CFAP92: variants seen among roughly 807,000 people sequenced by gnomAD.
CFAP92 encodes cilia and flagella associated protein 92 (putative).
CFAP92 carries 86 observed loss-of-function variants against 106.3 expected under a neutral mutation model. The ratio of observed to expected loss-of-function variants is 0.81; its 90% confidence interval spans 0.68 to 0.97. The LOEUF is 0.97. Ranked by LOEUF, CFAP92 falls within the 50% of genes least tolerant of loss-of-function variation. The pLI is 0.00. For missense variants in CFAP92, 1,204 were observed against 1,283.8 expected (o/e 0.94, Z 0.95); for synonymous variants, 477 against 506.4 (o/e 0.94, Z 0.78).
At chr3:128,938,261 C>T (rs1410924435) in intron 10 of CFAP92, among the ~76,000 whole-genome samples, 1 of 151,714 alleles carries the variant, frequency 6.6e-6, no homozygotes, top group Non-Finnish European at 1.5e-5. Flanking sequence ...AAAGAAAAAG[C>T]TCAAAAAAAC....
chr3:128,956,215 T>TAAAAAAAAAAAAAAAA (rs545191144), intron 9 of CFAP92, among the ~76,000 whole-genome samples: 1 of 68,756 alleles, frequency 1.5e-5, no homozygotes, highest in Non-Finnish European at 3.0e-5. Context: ...AATAAAAAAA[T>TAAAAAAAAAAAAAAAA]AAAAAAAAAA....
At chr3:129,018,373 A>G in the CFAP92 span, among the ~76,000 whole-genome samples, 2 of 152,380 alleles carry the variant, frequency 1.3e-5, no homozygotes, top group African/African-American at 2.4e-5. Flanking sequence ...AATGGCTAGG[A>G]AAAAACTAAA....
chr3:129,000,154 C>A (rs531472215), intron 1 of CFAP92, among the ~76,000 whole-genome samples: 7 of 152,330 alleles, frequency 4.6e-5, no homozygotes, highest in African/African-American at 1.7e-4. Context: ...ATGCAGTGAA[C>A]ATCCTGTGCA....
chr3:128,980,390 T>C (rs1576612447), intron 4 of CFAP92, among the ~76,000 whole-genome samples: 1 of 137,548 alleles, frequency 7.3e-6, no homozygotes, highest in Non-Finnish European at 1.6e-5. Flanking sequence ...AAAAAAAAGC[T>C]AACACTCATC....
Position 128,987,709 on chromosome 3 carries a change from A to G in CFAP92, c.574T>C (p.Trp192Arg). 1 of 1,614,018 alleles carries G rather than the reference A, an allele frequency of 6.2e-7. No individual in the cohort carries two copies. Among genetic ancestry groups the G allele is most frequent in the Non-Finnish European group, 8.5e-7 (1 of 1,179,852 alleles). Residue 192 changes from tryptophan (W) to arginine (R), a missense_variant, in exon 4 of 16, where the codon TGG becomes CGG. Trp to Arg is a moderately radical substitution (Grantham distance 101). Coordinates refer to ENST00000645291, the MANE Select transcript of CFAP92 (RefSeq NM_001394090.1). ...CTTGACATCTTGTCTTTAGTGTTCC[A>G]GAGCCTCAAGGTGATTTTGTGGAAA... The part of the protein sequence containing the change: ...INFHKITLRL[W>R]NTKDKMSRKV...
chr3:128,997,748 G>C (rs757301670), upstream of CFAP92, among the ~76,000 whole-genome samples: 13 of 152,156 alleles, frequency 8.5e-5, no homozygotes, highest in Non-Finnish European at 1.8e-4. Context: ...AGACATTTAT[G>C]AACAACGTTG....
At chr3:128,940,519 A>G (rs559076550) in intron 10 of CFAP92, among the ~76,000 whole-genome samples, 2 of 152,314 alleles carry the variant, frequency 1.3e-5, no homozygotes, top group South Asian at 4.2e-4. Flanking sequence ...TACCCATCCT[A>G]ATGAGTATGA....
chr3:129,016,694 A>G, the CFAP92 span, among the ~76,000 whole-genome samples: 1 of 152,108 alleles, frequency 6.6e-6, no homozygotes, highest in African/African-American at 2.4e-5. Context: ...CACTGGCCCC[A>G]CTTCTCTGGT....
intron 12 of CFAP92, among the ~76,000 whole-genome samples, chr3:128,927,422 CA>C (rs1273951897): frequency 1.3e-5 from 2 of 152,028 alleles, no homozygotes; most frequent in African/African-American, 4.8e-5. Context: ...GATCAATGGA[CA>C]AAAAATTAAT....
At chr3:128,957,299 T>C (rs1053782123) in intron 9 of CFAP92, among the ~76,000 whole-genome samples, 1 of 152,184 alleles carries the variant, frequency 6.6e-6, no homozygotes, top group Non-Finnish European at 1.5e-5. Flanking sequence ...AAGCAAAAAG[T>C]ATAACATCAT....
intron 12 of CFAP92, among the ~76,000 whole-genome samples, chr3:128,917,148 G>A (rs1381959887): frequency 6.6e-6 from 1 of 152,198 alleles, no homozygotes; most frequent in African/African-American, 2.4e-5. Flanking sequence ...AGACTTTGGA[G>A]CACCTGCGAG....
intron 4 of CFAP92, 129 bp from the exon 5 acceptor site, chr3:128,978,314 T>A: frequency 1.2e-6 from 1 of 863,526 alleles, no homozygotes; most frequent in Non-Finnish European, 1.8e-6. Flanking sequence ...AATATCACAA[T>A]AAAGTGAGTC....
At chr3:128,913,115 G>A (rs1380095398) in intron 15 of CFAP92, 1 of 447,412 alleles carries the variant, frequency 2.2e-6, no homozygotes, top group Non-Finnish European at 4.5e-6. Flanking sequence ...TGTACTGTTA[G>A]CCTTTGCTGT....
intron 2 of CFAP92, chr3:128,991,904 C>T: frequency 2.0e-6 from 2 of 985,590 alleles, no homozygotes; most frequent in Non-Finnish European, 2.4e-6. Context: ...TTGTCTCCTC[C>T]CCTCATATTG....
At chr3:128,947,134 T>TC (rs1332694509) in intron 9 of CFAP92, among the ~76,000 whole-genome samples, 4 of 151,736 alleles carry the variant, frequency 2.6e-5, no homozygotes, top group Non-Finnish European at 5.9e-5. Flanking sequence ...AGCAATCAGA[T>TC]CCCTAGGTGT....
chr3:128,927,778 GTAATT>G (rs1937852751), intron 12 of CFAP92, among the ~76,000 whole-genome samples: 1 of 149,862 alleles, frequency 6.7e-6, no homozygotes, highest in Non-Finnish European at 1.5e-5. Context: ...AATACAAAAA[GTAATT>G]CAATTCATAA....
Position 129,002,031 on chromosome 3 carries a change from G to A in CFAP92, n.117+543C>T, listed in dbSNP as rs778297815. 65 of 1,544,038 alleles carry A rather than the reference G, an allele frequency of 4.2e-5. No individual in the cohort carries two copies. The Admixed American group carries it at 1.2e-3, about 28-fold the overall frequency. On this transcript the variant is annotated intron_variant and non_coding_transcript_variant, in intron 1 of 4. Coordinates refer to the CFAP92 transcript ENST00000510149. ...TGAAGAGGCGCGCCTGGCGCTGCGC[G>A]CCGAGCCGCCGGAGCTCACCTTCCG...
At chr3:129,005,584 G>C (rs1229288622), upstream of CFAP92, among the ~76,000 whole-genome samples, 2 of 152,254 alleles carry the variant, frequency 1.3e-5, no homozygotes, top group African/African-American at 4.8e-5. Context: ...AAAGAGATGG[G>C]CAGATGGGGA....
At chr3:128,931,230 A>G (rs1938327718) in intron 12 of CFAP92, among the ~76,000 whole-genome samples, 1 of 152,024 alleles carries the variant, frequency 6.6e-6, no homozygotes, top group South Asian at 2.1e-4. Flanking sequence ...TCTGCCATCC[A>G]GGCTGGAATG....
Sources: allele counts gnomAD v4.1 joint callset (sites outside exome capture counted in the v4.1 genomes callset), GRCh38; gene constraint gnomAD v4.1.1; transcripts MANE v1.5; gene names NCBI Gene and HGNC (gene_info 2026-07-23, HGNC 2026-07-21).